The following THSD7B variants were observed in gnomAD, a reference collection of about 807,000 sequenced individuals.
THSD7B encodes the protein thrombospondin type 1 domain containing 7B.
A neutral mutation model predicts 213.6 loss-of-function variants in THSD7B; 138 were observed. That is an observed-to-expected ratio of 0.65 (90% CI 0.56 to 0.74). The LOEUF (loss-of-function observed/expected upper bound fraction) is 0.74, where lower values mean the gene tolerates loss of function less well. THSD7B is among the 30% of genes least tolerant of loss of function. THSD7B has a pLI of 0.00. For synonymous variants in THSD7B, 742 were observed against 687.0 expected (o/e 1.08, Z -1.25); for missense variants, 1,931 against 1,991.5 (o/e 0.97, Z 0.58).
intron 1 of THSD7B, among the ~76,000 whole-genome samples, chr2:136,766,993 TG>T (rs11367176): frequency 0.23 from 35,541 of 151,988 alleles, 4,314 homozygotes; most frequent in East Asian, 0.38. Context: ...TTTGTGTGTG[TG>T]TGTATACATG....
rs75672877 is a variant in THSD7B, at chr2:136,814,084, G to T, written c.-36+48397G>T. On this transcript the variant is annotated intron_variant, in intron 1 of 27. Coordinates refer to ENST00000409968, the MANE Select transcript of THSD7B (RefSeq NM_001316349.2). ...TCCAGAACCACCAGTTGGGAACTTT[G>T]ACTTCTATTTTGCCTTGATCTTTGA... Among the ~76,000 whole-genome samples the T allele has an allele frequency of 3.6e-3, 544 of 152,238 alleles. 24 individuals are homozygous for T. The East Asian group carries it at 0.078, about 22-fold the overall frequency.
intron 1 of THSD7B, among the ~76,000 whole-genome samples, chr2:136,859,646 G>T (rs888907713): frequency 7.2e-5 from 11 of 152,292 alleles, no homozygotes; most frequent in Middle Eastern, 3.4e-3. Context: ...TGTGTGCAAG[G>T]TATGCCCCTT....
intron 4 of THSD7B, among the ~76,000 whole-genome samples, chr2:137,108,158 C>A (rs759697601): frequency 3.9e-5 from 6 of 152,172 alleles, no homozygotes; most frequent in Non-Finnish European, 8.8e-5. Flanking sequence ...TGCAATTATT[C>A]TTTCAATCTG....
intron 2 of THSD7B, among the ~76,000 whole-genome samples, chr2:136,888,182 C>G (rs1325557872): frequency 1.3e-5 from 2 of 151,980 alleles, no homozygotes; most frequent in African/African-American, 4.8e-5. Flanking sequence ...AGGTCTAAAA[C>G]TTTATATATG....
intron 12 of THSD7B, among the ~76,000 whole-genome samples, chr2:137,349,618 A>G (rs1684963338): frequency 6.6e-6 from 1 of 151,918 alleles, no homozygotes; most frequent in African/African-American, 2.4e-5. Context: ...TTTCAGTTAC[A>G]GTTTAAACGT....
At chr2:136,953,805 G>A (rs1432661631) in intron 2 of THSD7B, among the ~76,000 whole-genome samples, 1 of 152,078 alleles carries the variant, frequency 6.6e-6, no homozygotes, top group Admixed American at 6.5e-5. Flanking sequence ...TCCTTTTAGG[G>A]TCTCATGGAC....
intron 17 of THSD7B, 31 bp from the exon 18 acceptor site, chr2:137,616,144 C>G (rs773650335): frequency 6.2e-7 from 1 of 1,603,594 alleles, no homozygotes; most frequent in Non-Finnish European, 8.5e-7. Context: ...AACTTGCCCA[C>G]AGTCAACTTT....
chr2:137,040,308 C>T (rs10199298), intron 2 of THSD7B, among the ~76,000 whole-genome samples: 88,232 of 151,916 alleles, frequency 0.58, 29,588 homozygotes, highest in Non-Finnish European at 0.73. Context: ...TGATTCTTCT[C>T]TTCCTCTAGG....
intron 5 of THSD7B, among the ~76,000 whole-genome samples, chr2:137,124,782 A>T (rs1688604263): frequency 6.6e-6 from 1 of 152,150 alleles, no homozygotes; most frequent in Admixed American, 6.6e-5. Flanking sequence ...TGATGTTTTG[A>T]TGTAGGCATG....
At chr2:137,505,770 A>G (rs1210251830) in intron 15 of THSD7B, among the ~76,000 whole-genome samples, 1 of 152,234 alleles carries the variant, frequency 6.6e-6, no homozygotes, top group East Asian at 1.9e-4. Flanking sequence ...GGGGCACTCC[A>G]TGTAGTGGGG....
intron 17 of THSD7B, among the ~76,000 whole-genome samples, chr2:137,611,275 C>A (rs904814188): frequency 1.3e-5 from 2 of 151,622 alleles, no homozygotes; most frequent in Non-Finnish European, 2.9e-5. Flanking sequence ...TATATATAAT[C>A]TTTTGAAATA....
rs116396534 is a variant in THSD7B at position 137,180,954 on chromosome 2, A to T, written c.1723+10016A>T. ...TGAAACCTATTCCTAACCATACACT[A>T]AGCATGTTGCCTTTTCTTTCCTTAG... On this transcript the variant is annotated intron_variant, in intron 7 of 27. Transcript: ENST00000409968. Among the ~76,000 whole-genome samples the T allele has an allele frequency of 7.0e-3, 1,067 of 152,296 alleles. 11 individuals carry two copies. Among genetic ancestry groups the T allele is most frequent in the African/African-American group, 0.022 (925 of 41,572 alleles).
At chr2:136,849,013 C>G (rs1232899647) in intron 1 of THSD7B, among the ~76,000 whole-genome samples, 1 of 152,030 alleles carries the variant, frequency 6.6e-6, no homozygotes, top group Non-Finnish European at 1.5e-5. Context: ...TTTTTAATTC[C>G]CATTTCCAAG....
intron 2 of THSD7B, among the ~76,000 whole-genome samples, chr2:137,045,736 G>T (rs1686957395): frequency 6.6e-6 from 1 of 152,142 alleles, no homozygotes; most frequent in Admixed American, 6.5e-5. Context: ...TTAAGATCAA[G>T]GGTTTTTCTG....
At chr2:137,063,487 T>G (rs1188826062) in intron 3 of THSD7B, among the ~76,000 whole-genome samples, 1 of 152,102 alleles carries the variant, frequency 6.6e-6, no homozygotes, top group Non-Finnish European at 1.5e-5. Flanking sequence ...TCAGGGTAAA[T>G]GGAGTATTTA....
intron 3 of THSD7B, among the ~76,000 whole-genome samples, chr2:137,075,622 G>A (rs922066015): frequency 2.6e-5 from 4 of 152,162 alleles, no homozygotes; most frequent in African/African-American, 9.7e-5. Flanking sequence ...TGTTCTGTTG[G>A]TGGTGAGGAG....
At chr2:136,853,064 G>C (rs1197944930) in intron 1 of THSD7B, among the ~76,000 whole-genome samples, 1 of 151,888 alleles carries the variant, frequency 6.6e-6, no homozygotes, top group Non-Finnish European at 1.5e-5. Flanking sequence ...GTGCATGTGT[G>C]TGTATGTGTT....
intron 4 of THSD7B, among the ~76,000 whole-genome samples, chr2:137,101,567 G>A (rs1052399720): frequency 6.6e-6 from 1 of 152,194 alleles, no homozygotes; most frequent in Non-Finnish European, 1.5e-5. Context: ...AAAGGGGGCT[G>A]AAGGCGGGGA....
intron 12 of THSD7B, among the ~76,000 whole-genome samples, chr2:137,356,802 AG>A (rs1181708920): frequency 6.6e-6 from 1 of 152,166 alleles, no homozygotes; most frequent in African/African-American, 2.4e-5. Flanking sequence ...GCAAAACCCA[AG>A]GAATTGCCAA....
Sources: gnomAD v4.1 joint callset for allele counts (sites outside exome capture counted in the v4.1 genomes callset) on GRCh38, gnomAD v4.1.1 for gene constraint, MANE v1.5 for transcripts, NCBI Gene and HGNC (gene_info 2026-07-23, HGNC 2026-07-21) for gene names.